EML2: variants seen among roughly 807,000 people sequenced by gnomAD.
EML2 encodes EMAP like 2.
EML2 carries 59 observed loss-of-function variants against 84.7 expected under a neutral mutation model. The observed-to-expected ratio is 0.70, with a 90% CI of 0.56 to 0.86. EML2 has a LOEUF of 0.86. EML2 is among the 40% of genes least tolerant of loss of function. The pLI is 0.00. For synonymous variants in EML2, 352 were observed against 348.9 expected (o/e 1.01, Z -0.10); for missense variants, 818 against 855.6 (o/e 0.96, Z 0.55).
At chr19:45,610,163 C>T (rs991511941) in intron 18 of EML2, among the ~76,000 whole-genome samples, 7 of 151,832 alleles carry the variant, frequency 4.6e-5, no homozygotes, top group African/African-American at 9.7e-5. Flanking sequence ...TTTGGGAGGC[C>T]GAGGCAGGCG....
intron 6 of EML2, chr19:45,632,537 T>C (rs977626553): frequency 5.0e-5 from 13 of 261,820 alleles, no homozygotes; most frequent in Non-Finnish European, 8.2e-5. Flanking sequence ...GTTGTGGTGT[T>C]GTCAAACTGC....
intron 9 of EML2, chr19:45,623,434 A>G (rs1049038138): frequency 1.3e-5 from 2 of 151,956 alleles, no homozygotes; most frequent in Non-Finnish European, 2.9e-5. Context: ...CTTGGGAGGC[A>G]GGAGGATCAC....
intron 4 of EML2, among the ~76,000 whole-genome samples, chr19:45,633,848 G>A (rs1242363486): frequency 6.6e-6 from 1 of 152,198 alleles, no homozygotes; most frequent in Non-Finnish European, 1.5e-5. Flanking sequence ...GGACTTCAGC[G>A]ATCCTTCCGC....
upstream of EML2, chr19:45,641,895 G>A (rs1974550324): frequency 6.9e-7 from 1 of 1,455,154 alleles, no homozygotes. Context: ...GAAGAGGCTG[G>A]GGGTCCCGGC....
chr19:45,612,295 C>A (rs777119611), intron 18 of EML2, among the ~76,000 whole-genome samples: 1 of 152,092 alleles, frequency 6.6e-6, no homozygotes, highest in Non-Finnish European at 1.5e-5. Flanking sequence ...AAACTCCTGA[C>A]CTCAGGTGAT....
upstream of EML2, chr19:45,645,556 A>C: frequency 2.0e-6 from 2 of 1,016,642 alleles, no homozygotes; most frequent in Non-Finnish European, 2.7e-6. Flanking sequence ...GCCCCCCAAC[A>C]CAATCCTAGG....
chr19:45,639,491 C>G (rs1293544411), upstream of EML2: 17 of 1,119,450 alleles, frequency 1.5e-5, no homozygotes, highest in Non-Finnish European at 1.9e-5. Flanking sequence ...CACAGCCACC[C>G]CTGGAGCCGG....
At chr19:45,645,431 C>T (rs1600263861), upstream of EML2, 3 of 1,454,768 alleles carry the variant, frequency 2.1e-6, no homozygotes, top group Non-Finnish European at 2.7e-6. Flanking sequence ...TAGCAACGCC[C>T]TTCGTTCCAG....
upstream of EML2, chr19:45,642,653 T>C: frequency 1.5e-6 from 1 of 660,830 alleles, no homozygotes; most frequent in Non-Finnish European, 2.1e-6. Context: ...CCTCTCGCTC[T>C]GGCTTTAAGA....
chr19:45,626,714 G>A lies in EML2; in HGVS notation c.732C>T (p.Gly244=). 6.2e-7 allele frequency: 1 copy of A among 1,613,488 alleles called. No individual in the cohort carries two copies. Among genetic ancestry groups the A allele is most frequent in the Non-Finnish European group, 8.5e-7 (1 of 1,179,742 alleles). Residue 244 remains glycine (G), a synonymous_variant, in exon 8 of 19, where the codon GGC becomes GGT. Transcript: ENST00000245925. The stretch of plus-strand genomic sequence containing the variant: ...AACCCCTGGCACTCACCTCAAAGAG[G>A]CCTTGCCGCTTGCTCAAGCTGCCCC... The part of the protein sequence containing the change: ...LEGGSLSKRQ[G]LFEKHEKPKY...
At position 45,638,885 on chromosome 19, in the gene EML2, G is replaced by T. The variant is rs202072138; in HGVS notation, c.21-12C>A. ...CTTCTTTGGTTTTGCTGTCAGGAAA[G>T]GACAAAGAAAAAAAAAGGGTCTTAG... is the stretch of plus-strand genomic sequence containing the variant. On this transcript the variant is annotated splice_polypyrimidine_tract_variant and intron_variant, in intron 1 of 18. Coordinates refer to ENST00000245925, the MANE Select transcript of EML2 (RefSeq NM_012155.4). 1.2e-5 allele frequency: 20 copies of T among 1,612,936 alleles called. No homozygotes were observed. The East Asian group carries it at 4.5e-4, about 36-fold the overall frequency.
upstream of EML2, chr19:45,642,321 T>C (rs1410477571): frequency 6.5e-7 from 1 of 1,534,766 alleles, no homozygotes; most frequent in Admixed American, 2.0e-5. Context: ...GGTCGTCCAC[T>C]TCCATACCGC....
Position 45,613,655 on chromosome 19 carries a change from C to T in EML2, c.1710G>A (p.Gly570=), listed in dbSNP as rs1012323345. 4.3e-6 allele frequency: 7 copies of T among 1,613,674 alleles called. No individual in the cohort carries two copies. In the African/African-American group the frequency reaches 5.3e-5, roughly 12 times the overall value. The change falls in exon 18 of 19, where the codon GGG becomes GGA. Residue 570 remains glycine (G), a synonymous_variant. Coordinates refer to ENST00000245925, the MANE Select transcript of EML2 (RefSeq NM_012155.4). ...GFGVFGIWSE[G]ADGTDINAVA... Reference sequence around the variant, plus strand: ...CAGCGTTGATATCAGTGCCGTCCGCCCCCTCAGACCAGATCCCTGTGGGCA... The same window carrying T: ...CAGCGTTGATATCAGTGCCGTCCGCTCCCTCAGACCAGATCCCTGTGGGCA...
intron 8 of EML2, 74 bp from the exon 9 acceptor site, chr19:45,624,892 C>T (rs907763753): frequency 9.1e-7 from 1 of 1,102,348 alleles, no homozygotes; most frequent in Non-Finnish European, 1.4e-6. Context: ...ATCTGTCACC[C>T]AGGACCGTGG....
At chr19:45,619,035 C>A (rs766242403) in intron 12 of EML2, 25 bp downstream of exon 12, 1 of 1,583,604 alleles carries the variant, frequency 6.3e-7, no homozygotes, top group Non-Finnish European at 8.6e-7. Flanking sequence ...TAGAATGGTG[C>A]TTTTCCAGTC....
Position 45,619,059 on chromosome 19 carries a change from C to T in EML2, c.1254+1G>A, listed in dbSNP as rs778225494. ...GCTTTTCCAGTCCCCGGGCCCCTTA[C>T]CTCGATGATCCTGCTCCACAGGGGC... On this transcript the variant is annotated splice_donor_variant, in intron 12 of 18. Coordinates refer to ENST00000245925, the MANE Select transcript of EML2 (RefSeq NM_012155.4). LOFTEE classifies it high-confidence loss of function. The T allele has an allele frequency of 6.2e-7, 1 of 1,607,406 alleles. No homozygotes were observed. Among genetic ancestry groups the T allele is most frequent in the Admixed American group, 1.7e-5 (1 of 59,616 alleles).
At chr19:45,611,515 T>G (rs1970494680) in intron 18 of EML2, among the ~76,000 whole-genome samples, 1 of 150,816 alleles carries the variant, frequency 6.6e-6, no homozygotes, top group South Asian at 2.1e-4. Context: ...AGACAGAATC[T>G]CGCTCTTTTG....
chr19:45,644,316 C>T (rs1056270450), upstream of EML2, among the ~76,000 whole-genome samples: 18 of 152,246 alleles, frequency 1.2e-4, no homozygotes, highest in African/African-American at 2.9e-4. Flanking sequence ...GACACACAGC[C>T]GTTCAATGGA....
intron 2 of EML2, 98 bp downstream of exon 2, chr19:45,638,747 A>T: frequency 6.3e-7 from 1 of 1,586,626 alleles, no homozygotes; most frequent in Non-Finnish European, 8.6e-7. Flanking sequence ...GAGGCCAGAG[A>T]GGCAAAGACC....
Sources: allele counts gnomAD v4.1 joint callset (sites outside exome capture counted in the v4.1 genomes callset), GRCh38; gene constraint gnomAD v4.1.1; transcripts MANE v1.5; gene names NCBI Gene and HGNC (gene_info 2026-07-23, HGNC 2026-07-21).